WDFY4: variants seen among roughly 807,000 people sequenced by gnomAD.
WDFY4 encodes the protein WDFY family member 4.
WDFY4 carries 169 observed loss-of-function variants against 351.9 expected under a neutral mutation model. The ratio of observed to expected loss-of-function variants is 0.48; its 90% CI spans 0.42 to 0.55. The LOEUF (loss-of-function observed/expected upper bound fraction) is 0.55. Among genes scored for constraint, WDFY4 ranks in the 20% least tolerant of loss-of-function variants. The pLI, the probability that WDFY4 is intolerant of heterozygous loss-of-function variation, is 0.00. For synonymous variants in WDFY4, 1,622 were observed against 1,574.6 expected (o/e 1.03, Z -0.71); for missense variants, 3,803 against 3,935.6 (o/e 0.97, Z 0.90).
chr10:48,779,448 A>G (rs1652503652), intron 18 of WDFY4, among the ~76,000 whole-genome samples: 1 of 152,144 alleles, frequency 6.6e-6, no homozygotes, highest in African/African-American at 2.4e-5. Context: ...TGAGAGTGTC[A>G]CTGTTTCATA....
chr10:48,917,952 C>T (rs981020645), intron 47 of WDFY4, among the ~76,000 whole-genome samples: 3 of 152,094 alleles, frequency 2.0e-5, no homozygotes, highest in Non-Finnish European at 4.4e-5. Context: ...TACTACATAA[C>T]GGGGAAGTGA....
At chr10:48,719,266 G>T (rs1300176554) in intron 2 of WDFY4, among the ~76,000 whole-genome samples, 1 of 152,150 alleles carries the variant, frequency 6.6e-6, no homozygotes, top group Non-Finnish European at 1.5e-5. Context: ...AATAGGGTAA[G>T]AATAGAAACA....
At chr10:48,878,660 A>G (rs1415594566) in intron 43 of WDFY4, 1 of 148,794 alleles carries the variant, frequency 6.7e-6, no homozygotes, top group Non-Finnish European at 1.5e-5. Context: ...CCTGCAACTG[A>G]CTCTCTGAAG....
chr10:48,818,894 C>A (rs1457435221), intron 32 of WDFY4, among the ~76,000 whole-genome samples: 1 of 152,204 alleles, frequency 6.6e-6, no homozygotes, highest in Non-Finnish European at 1.5e-5. Context: ...GCGCAGGCAG[C>A]CTGGCCAGGG....
In WDFY4 at chr10:48,964,882, G is replaced by A. The variant is rs1842009808; in HGVS notation, c.8436+828G>A. On this transcript the variant is annotated intron_variant, in intron 54 of 61. Transcript: ENST00000325239. ...ACATGCAACCATGAGGACTCGGGGT[G>A]GGGAGGGGCTCCTTCTGCAGTTAGT... 2.6e-5 allele frequency among the ~76,000 whole-genome samples: 4 copies of A among 152,190 alleles called. No homozygotes were observed. The South Asian group carries it at 8.3e-4, about 31-fold the overall frequency.
chr10:48,962,994 A>G (rs1841927509), intron 53 of WDFY4, among the ~76,000 whole-genome samples: 1 of 152,240 alleles, frequency 6.6e-6, no homozygotes, highest in South Asian at 2.1e-4. Context: ...ATGATTTAGA[A>G]GATGCCCACA....
intron 47 of WDFY4, among the ~76,000 whole-genome samples, chr10:48,934,688 C>A: frequency 6.6e-6 from 1 of 152,322 alleles, no homozygotes; most frequent in South Asian, 2.1e-4. Flanking sequence ...TTACAGTAAG[C>A]GGTAATCAGG....
chr10:48,854,272 C>A lies in WDFY4; in HGVS notation c.6664-12993C>A, dbSNP rs555303307. Among the ~76,000 whole-genome samples, 6 of 152,160 alleles carry A rather than the reference C, an allele frequency of 3.9e-5. No homozygotes were observed. In the East Asian group the frequency reaches 7.7e-4, roughly 20 times the overall value. On this transcript the variant is annotated intron_variant, in intron 39 of 61. Coordinates refer to ENST00000325239, the MANE Select transcript of WDFY4 (RefSeq NM_001394531.1). ...TACAGGTGTACACCACCATGCCCAG[C>A]TAATTTTTGTATTTTTTGTAGAGAT...
chr10:48,939,200 T>TC (rs1367962895), intron 47 of WDFY4, among the ~76,000 whole-genome samples: 1 of 152,218 alleles, frequency 6.6e-6, no homozygotes, highest in African/African-American at 2.4e-5. Context: ...CAGGCCCCAC[T>TC]CTGCCACTGC....
At chr10:48,862,465 A>G (rs2069377459) in intron 39 of WDFY4, among the ~76,000 whole-genome samples, 1 of 152,178 alleles carries the variant, frequency 6.6e-6, no homozygotes, top group African/African-American at 2.4e-5. Flanking sequence ...TGCACATGCC[A>G]GGGATCTAGG....
At chr10:48,865,062 G>A (rs978491642) in intron 39 of WDFY4, among the ~76,000 whole-genome samples, 2 of 151,988 alleles carry the variant, frequency 1.3e-5, no homozygotes, top group Admixed American at 1.3e-4. Context: ...TCTTTTTCTT[G>A]TCTGGTTGTC....
intron 33 of WDFY4, 55 bp downstream of exon 33, chr10:48,820,492 G>A (rs985354531): frequency 1.5e-4 from 221 of 1,521,950 alleles, no homozygotes; most frequent in Middle Eastern, 1.0e-3. Context: ...CCGGCATACC[G>A]GCACTGCAAG....
In WDFY4 at chr10:48,938,390, C is replaced by G. The variant is rs149033596; in HGVS notation, c.7587-3416C>G. Among the ~76,000 whole-genome samples the G allele has an allele frequency of 5.1e-3, 776 of 152,340 alleles. 3 individuals carry two copies. Among genetic ancestry groups the G allele is most frequent in the African/African-American group, 0.018 (743 of 41,582 alleles). On this transcript the variant is annotated intron_variant, in intron 47 of 61. Transcript: ENST00000325239. ...TCCTTCCAGGGCTGAGAGGGTGCAG[C>G]CTTTAGCCAGATGAGTCCCTCGGCT... is the stretch of plus-strand genomic sequence containing the variant.
chr10:48,843,116 A>G (rs965117930), intron 39 of WDFY4, among the ~76,000 whole-genome samples: 6 of 152,244 alleles, frequency 3.9e-5, no homozygotes, highest in African/African-American at 1.4e-4. Context: ...TGATACCGAA[A>G]AGTCCTTAGG....
At chr10:48,980,054 G>T (rs1842745331) in intron 60 of WDFY4, 1 of 152,120 alleles carries the variant, frequency 6.6e-6, no homozygotes. Flanking sequence ...GACTGACAGG[G>T]AGCCCCAGAT....
At chr10:48,801,060 A>G (rs1435405312) in intron 24 of WDFY4, among the ~76,000 whole-genome samples, 1 of 152,146 alleles carries the variant, frequency 6.6e-6, no homozygotes, top group East Asian at 1.9e-4. Flanking sequence ...GGAACTGACT[A>G]GTTCATTTCT....
chr10:48,808,113 C>G (rs1376014044), intron 28 of WDFY4, among the ~76,000 whole-genome samples, 155 bp downstream of exon 28: 1 of 152,210 alleles, frequency 6.6e-6, no homozygotes, highest in African/African-American at 2.4e-5. Context: ...TCTCTCTACC[C>G]AATGAACCAG....
At chr10:48,815,229 C>T (rs1386096153) in intron 31 of WDFY4, among the ~76,000 whole-genome samples, 1 of 152,198 alleles carries the variant, frequency 6.6e-6, no homozygotes, top group African/African-American at 2.4e-5. Context: ...CCCATCCTCA[C>T]AGCCTCAACA....
intron 39 of WDFY4, among the ~76,000 whole-genome samples, chr10:48,860,102 T>C (rs1374421101): frequency 6.6e-6 from 1 of 152,248 alleles, no homozygotes; most frequent in Non-Finnish European, 1.5e-5. Flanking sequence ...TTAGTGTTTC[T>C]AAAGGTTTGT....
Sources: gnomAD v4.1 joint callset for allele counts (sites outside exome capture counted in the v4.1 genomes callset) on GRCh38, gnomAD v4.1.1 for gene constraint, MANE v1.5 for transcripts, NCBI Gene and HGNC (gene_info 2026-07-23, HGNC 2026-07-21) for gene names.